The following BTNL9 variants were observed in gnomAD, a reference collection of about 807,000 sequenced individuals.
BTNL9 encodes butyrophilin like 9.
Under a neutral mutation model 45.8 loss-of-function variants are expected in BTNL9, and 45 were observed. That is an observed-to-expected ratio of 0.98 (90% CI 0.77 to 1.26). The LOEUF is 1.26. Among genes scored for constraint, BTNL9 ranks in the 50% most tolerant of loss-of-function variants. BTNL9 has a pLI of 0.00. For synonymous variants in BTNL9, 346 were observed against 330.8 expected (o/e 1.05, Z -0.50); for missense variants, 784 against 729.7 (o/e 1.07, Z -0.86).
intron 3 of BTNL9, among the ~76,000 whole-genome samples, chr5:181,049,796 G>A (rs960007224): frequency 1.3e-5 from 2 of 152,168 alleles, no homozygotes; most frequent in Non-Finnish European, 2.9e-5. Flanking sequence ...CTTCATTCTA[G>A]GGAAACTGTC....
At position 181,050,164 on chromosome 5, in the gene BTNL9, C is replaced by T. The variant is rs1447383613; in HGVS notation, c.531C>T (p.Gly177=). The T allele has an allele frequency of 1.9e-6, 3 of 1,613,976 alleles. No individual in the cohort carries two copies. The African/African-American group carries it at 4.0e-5, about 22-fold the overall frequency. The change falls in exon 4 of 11, where the codon GGC becomes GGT. Residue 177 remains glycine, a synonymous_variant. Coordinates refer to ENST00000327705, the MANE Select transcript of BTNL9 (RefSeq NM_152547.5). This position sits in a 1 kb window ranked among gnomAD's most constrained non-coding sequence, Gnocchi z 4.9. ...TTCAGCTGAGGCTCAGATCCAGTGG[C>T]TGGTACCCCAAGCCTAAGGTTCAGT... ...GGIQLRLRSS[G]WYPKPKVQWR...
chr5:181,054,216 C>G, intron 6 of BTNL9, 23 bp from the exon 7 acceptor site: 2 of 1,552,774 alleles, frequency 1.3e-6, no homozygotes, highest in Non-Finnish European at 1.7e-6. Context: ...TTTTCTTCAT[C>G]TTTTTTTTTT....
intron 9 of BTNL9, chr5:181,056,828 G>A: frequency 1.9e-6 from 1 of 540,374 alleles, no homozygotes; most frequent in Non-Finnish European, 3.3e-6. Context: ...AATCAGTGGG[G>A]ATAAGTGATG....
At position 181,055,771 on chromosome 5, in the gene BTNL9, A is replaced by C; in HGVS notation, c.929-218A>C. On this transcript the variant is annotated intron_variant, in intron 8 of 10. Transcript: ENST00000327705. This position sits in a 1 kb window ranked among gnomAD's most constrained non-coding sequence, Gnocchi z 4.4. The stretch of plus-strand genomic sequence containing the variant: ...GCGACAGAGCGAGACTCTGTCTCAA[A>C]AAAAAAAAGAACTATTTCTCCTCAT... 1 of 719,044 alleles carries C rather than the reference A, an allele frequency of 1.4e-6. No homozygotes were observed. The highest frequency in any genetic ancestry group is 1.5e-5 in the South Asian group (1 of 67,678). The allele number at this position is 719,044 out of a possible 1,614,324, so 44.5% of individuals were successfully genotyped here. A position where few individuals can be genotyped will look rare whatever the true frequency, so the allele number is the denominator to read the frequency against.
At chr5:181,048,939 A>G (rs1761385274) in intron 3 of BTNL9, among the ~76,000 whole-genome samples, 1 of 117,022 alleles carries the variant, frequency 8.5e-6, no homozygotes, top group South Asian at 3.0e-4. Context: ...ATTATATAAT[A>G]TATATAATAT....
Position 181,055,229 on chromosome 5 carries a change from A to C in BTNL9, c.908-204A>C. 8 of 1,433,660 alleles carry C rather than the reference A, an allele frequency of 5.6e-6. No homozygotes were observed. The highest frequency in any genetic ancestry group is 6.4e-6 in the Non-Finnish European group (7 of 1,097,702). 88.8% of individuals were successfully genotyped at this position (1,433,660 alleles called of 1,614,324 possible). On this transcript the variant is annotated intron_variant, in intron 7 of 10. Transcript: ENST00000327705. This position sits in a 1 kb window ranked among gnomAD's most constrained non-coding sequence, Gnocchi z 4.4. ...GTGTGCAGATTTCCACCTTTGAGCT[A>C]AGATAGGATGAGGCATAAGAGTCCT...
Position 181,050,335 on chromosome 5 carries a change from GA to G in BTNL9, c.703del (p.Ser235AlafsTer10). ...CCGTCTCCATCCAGAATCTCCTCTTGAGCCAGAAGAAAGAGTTGGTGGTCCA... is the reference window on the plus strand; with the variant it reads ...CCGTCTCCATCCAGAATCTCCTCTTGGCCAGAAGAAAGAGTTGGTGGTCCA... ...VSVSIQNLLLSQKKELVVQIA... is the reference protein window; with the variant it reads ...VSVSIQNLLLXQKKELVVQIA... On this transcript the variant is annotated frameshift_variant, in exon 4 of 11. Transcript: ENST00000327705. LOFTEE classifies it high-confidence loss of function. This position sits in a 1 kb window ranked among gnomAD's most constrained non-coding sequence, Gnocchi z 4.9. The G allele has an allele frequency of 6.2e-7, 1 of 1,614,068 alleles. No homozygotes were observed. The highest frequency in any genetic ancestry group is 8.5e-7 in the Non-Finnish European group (1 of 1,180,018).
chr5:181,055,447 G>C lies in BTNL9; in HGVS notation c.922G>C (p.Glu308Gln). Residue 308 changes from glutamate to glutamine, a missense_variant, in exon 8 of 11, where the codon GAG becomes CAG. Coordinates refer to ENST00000327705, the MANE Select transcript of BTNL9 (RefSeq NM_152547.5). The surrounding 1 kb of genome is among the most constrained non-coding windows in gnomAD (Gnocchi z 4.4). The part of the protein sequence containing the change: ...LTAELEKLQT[E>Q]LDWRRAEGQA... The stretch of plus-strand genomic sequence containing the variant: ...TCTGCTTGCAGAAAAGCTTCAGACA[G>C]AGCTTGGTAAGTGACCCCTCTTAGA... 1 of 1,614,210 alleles carries C rather than the reference G, an allele frequency of 6.2e-7. No homozygotes were observed. Among genetic ancestry groups the C allele is most frequent in the Non-Finnish European group, 8.5e-7 (1 of 1,180,044 alleles).
At chr5:181,044,194 C>T (rs2113148664) in intron 1 of BTNL9, among the ~76,000 whole-genome samples, 1 of 152,320 alleles carries the variant, frequency 6.6e-6, no homozygotes, top group Admixed American at 6.5e-5. Flanking sequence ...ACTCACCCTG[C>T]ACACCTCCTC....
chr5:181,047,547 T>C, intron 2 of BTNL9: 4 of 970,214 alleles, frequency 4.1e-6, no homozygotes, highest in Non-Finnish European at 4.9e-6. Flanking sequence ...TGCAAATACG[T>C]ATGTTTTTTA....
chr5:181,045,567 C>G lies in BTNL9; in HGVS notation c.78C>G (p.Leu26=), dbSNP rs1028647688. 2 of 1,612,624 alleles carry G rather than the reference C, an allele frequency of 1.2e-6. No homozygotes were observed. Among genetic ancestry groups the G allele is most frequent in the African/African-American group, 1.3e-5 (1 of 74,794 alleles). Residue 26 remains leucine (L), a synonymous_variant, in exon 2 of 11, where the codon CTC becomes CTG. Transcript: ENST00000327705. ...LTSSLVFLMH[L]LLLQPGEPSS... ...GCAGTCTTGTCTTCCTCATGCACCT[C>G]CTCCTCCTTCAGCCTGGGGAGCCGA...
At chr5:181,048,868 T>C (rs918886670) in intron 3 of BTNL9, among the ~76,000 whole-genome samples, 7 of 131,656 alleles carry the variant, frequency 5.3e-5, no homozygotes, top group Non-Finnish European at 1.1e-4. Flanking sequence ...TATAATTATA[T>C]TAGTTATATA....
In BTNL9 at chr5:181,055,825, ATCT is replaced by A. The variant is rs772047402; in HGVS notation, c.929-157_929-155del. 17 of 805,646 alleles carry A rather than the reference ATCT, an allele frequency of 2.1e-5. No individual in the cohort carries two copies. Among genetic ancestry groups the A allele is most frequent in the African/African-American group, 1.8e-4 (11 of 59,656 alleles). The allele number at this position is 805,646 out of a possible 1,614,324, so 49.9% of individuals were successfully genotyped here. On this transcript the variant is annotated intron_variant, in intron 8 of 10. Coordinates refer to ENST00000327705, the MANE Select transcript of BTNL9 (RefSeq NM_152547.5). This position sits in a 1 kb window ranked among gnomAD's most constrained non-coding sequence, Gnocchi z 4.4. The stretch of plus-strand genomic sequence containing the variant: ...TCATTTTGCATCTGATTCCCCATAT[ATCT>A]TCTTCTCATCTCCCAACCAGGTATG...
intron 1 of BTNL9, among the ~76,000 whole-genome samples, chr5:181,041,446 A>G (rs1276992653): frequency 6.6e-6 from 1 of 152,238 alleles, no homozygotes. Flanking sequence ...TTATTTTGTT[A>G]AGTTATTCAC....
Position 181,059,914 on chromosome 5 carries a change from C to A in BTNL9, c.*52C>A. On this transcript the variant is annotated 3_prime_UTR_variant, in exon 11 of 11. Coordinates refer to ENST00000327705, the MANE Select transcript of BTNL9 (RefSeq NM_152547.5). ...CCCGGGGGGCCCCCTGGATCCCAGGCCAGCGCTTTGCTCTCCTGCTCCGTC... is the reference window on the plus strand; with the variant it reads ...CCCGGGGGGCCCCCTGGATCCCAGGACAGCGCTTTGCTCTCCTGCTCCGTC... The A allele has an allele frequency of 6.9e-7, 1 of 1,440,422 alleles. No individual in the cohort carries two copies. Among genetic ancestry groups the A allele is most frequent in the Non-Finnish European group, 9.2e-7 (1 of 1,083,998 alleles). 89.2% of individuals were successfully genotyped at this position (1,440,422 alleles called of 1,614,324 possible). A position where few individuals can be genotyped will look rare whatever the true frequency, so the allele number is the denominator to read the frequency against.
intron 2 of BTNL9, among the ~76,000 whole-genome samples, chr5:181,046,671 A>G (rs1454112049): frequency 4.0e-5 from 6 of 151,070 alleles, no homozygotes; most frequent in Non-Finnish European, 7.4e-5. Context: ...GGCTGAGAGA[A>G]AGAGAGAGAG....
At position 181,048,456 on chromosome 5, in the gene BTNL9, C is replaced by T. The variant is rs191175507; in HGVS notation, c.454+185C>T. On this transcript the variant is annotated intron_variant, in intron 3 of 10. Transcript: ENST00000327705. The stretch of plus-strand genomic sequence containing the variant: ...TTCACCAAAAAATACACAAATAGCC[C>T]TTAAATATATGAAAAGGGCCGGGTA... Among the ~76,000 whole-genome samples the T allele has an allele frequency of 2.0e-4, 30 of 152,006 alleles. No individual in the cohort carries two copies. In the East Asian group the frequency reaches 5.6e-3, roughly 28 times the overall value.
At chr5:181,046,618 G>A (rs1430924753) in intron 2 of BTNL9, among the ~76,000 whole-genome samples, 1 of 152,102 alleles carries the variant, frequency 6.6e-6, no homozygotes, top group Non-Finnish European at 1.5e-5. Flanking sequence ...GTCAAGGGAG[G>A]GGTGTGGATG....
Position 181,053,373 on chromosome 5 carries a change from CCGCGGAGGCGCCTCCCCCCAGGA to C in BTNL9, c.853+63_854-68del. The C allele has an allele frequency of 6.6e-7, 1 of 1,511,932 alleles. No homozygotes were observed. The highest frequency in any genetic ancestry group is 1.4e-5 in the African/African-American group (1 of 71,346). 93.7% of individuals were successfully genotyped at this position (1,511,932 alleles called of 1,614,324 possible). On this transcript the variant is annotated intron_variant, in intron 5 of 10. Coordinates refer to ENST00000327705, the MANE Select transcript of BTNL9 (RefSeq NM_152547.5). The surrounding 1 kb of genome is among the most constrained non-coding windows in gnomAD (Gnocchi z 6.5). The stretch of plus-strand genomic sequence containing the variant: ...CACCGGCCGGTGCTGAACCCCGGGG[CCGCGGAGGCGCCTCCCCCCAGGA>C]CGCGGCGCGGGAAGGCGGCCTGGAA...
Sources: gnomAD v4.1 joint callset for allele counts (sites outside exome capture counted in the v4.1 genomes callset) on GRCh38, gnomAD v4.1.1 for gene constraint, Gnocchi (gnomAD v3.1) non-coding constraint, MANE v1.5 for transcripts, NCBI Gene and HGNC (gene_info 2026-07-23, HGNC 2026-07-21) for gene names.